PCDHGA4: variants seen among roughly 807,000 people sequenced by gnomAD.
PCDHGA4 encodes the protein protocadherin gamma subfamily A, 4.
Under a neutral mutation model 54.6 loss-of-function variants are expected in PCDHGA4, and 38 were observed. The observed-to-expected ratio is 0.70, with a 90% confidence interval of 0.54 to 0.91. The LOEUF is 0.91. Ranked by LOEUF, PCDHGA4 falls within the 40% of genes least tolerant of loss-of-function variation. The pLI, the probability that PCDHGA4 is intolerant of heterozygous loss-of-function variation, is 0.00. For missense variants in PCDHGA4, 1,298 were observed against 1,220.9 expected (o/e 1.06, Z -0.94); for synonymous variants, 511 against 512.9 (o/e 1.00, Z 0.05).
At chr5:141,410,803 C>A in intron 1 of PCDHGA4, 11 of 409,880 alleles carry the variant, frequency 2.7e-5, no homozygotes, top group East Asian at 1.2e-4. Context: ...GTTGCTCTAT[C>A]TTTTTGTAAA....
At chr5:141,421,211 T>A (rs866635411) in intron 1 of PCDHGA4, 8 of 1,541,100 alleles carry the variant, frequency 5.2e-6, no homozygotes. Flanking sequence ...CCGCGGAATA[T>A]CGGCTTAGAG....
chr5:141,374,776 A>T (rs376190994), intron 1 of PCDHGA4: 2 of 1,613,844 alleles, frequency 1.2e-6, no homozygotes, highest in African/African-American at 1.3e-5. Flanking sequence ...TTCTGGTAAC[A>T]GTTCTAGATG....
intron 1 of PCDHGA4, chr5:141,400,601 C>T (rs1401354209): frequency 1.3e-6 from 2 of 1,592,588 alleles, no homozygotes; most frequent in East Asian, 4.5e-5. Flanking sequence ...CGTACATTTT[C>T]AAGTCCAATG....
chr5:141,457,279 G>A (rs948609305), intron 1 of PCDHGA4, among the ~76,000 whole-genome samples: 2 of 152,190 alleles, frequency 1.3e-5, no homozygotes, highest in African/African-American at 4.8e-5. Flanking sequence ...GTGGGCCTAC[G>A]AAGTTCCTTG....
At position 141,490,406 on chromosome 5, in the gene PCDHGA4, T is replaced by G; in HGVS notation, c.2515-4401T>G. On this transcript the variant is annotated intron_variant, in intron 1 of 3. Transcript: ENST00000571252. This position sits in a 1 kb window ranked among gnomAD's most constrained non-coding sequence, Gnocchi z 5.4. ...AGAAATGGTGAAGTGAGCCTTGATA[T>G]CTCTCCGGACCTGCCATTTCAGATT... is the stretch of plus-strand genomic sequence containing the variant. The G allele has an allele frequency of 1.9e-6, 3 of 1,614,112 alleles. No individual in the cohort carries two copies. Among genetic ancestry groups the G allele is most frequent in the Non-Finnish European group, 2.5e-6 (3 of 1,180,020 alleles).
At chr5:141,468,783 G>A (rs908838744) in intron 1 of PCDHGA4, among the ~76,000 whole-genome samples, 7 of 151,460 alleles carry the variant, frequency 4.6e-5, no homozygotes, top group South Asian at 2.1e-4. Context: ...GGAGAATGGC[G>A]TGAACCCGGG....
intron 1 of PCDHGA4, chr5:141,388,978 CT>C (rs1389375857): frequency 6.2e-7 from 1 of 1,613,972 alleles, no homozygotes; most frequent in East Asian, 2.2e-5. Flanking sequence ...ACACATATTG[CT>C]TTGCTCAAAG....
chr5:141,395,190 A>T (rs769197632), intron 1 of PCDHGA4: 1 of 1,614,028 alleles, frequency 6.2e-7, no homozygotes, highest in East Asian at 2.2e-5. Context: ...TTCTTTGTTA[A>T]CATCCGTAGA....
chr5:141,395,542 TTGTGTGTGTGTGTGTGTGTGTGTGTG>T lies in PCDHGA4; in HGVS notation c.2514+37945_2514+37970del, dbSNP rs55729045. 7.0e-5 allele frequency: 12 copies of T among 172,630 alleles called. No homozygotes were observed. In the South Asian group the frequency reaches 8.7e-4, roughly 12 times the overall value. 10.7% of individuals were successfully genotyped at this position (172,630 alleles called of 1,614,324 possible). ...TCCATACTGGTAATTTTGCTATTGTTTGTGTGTGTGTGTGTGTGTGTGTGTGTGTGTGTGTGTGTGTGTGTGTGTAT... is the reference window on the plus strand; with the variant it reads ...TCCATACTGGTAATTTTGCTATTGTTTGTGTGTGTGTGTGTGTGTGTGTAT... On this transcript the variant is annotated intron_variant, in intron 1 of 3. Coordinates refer to ENST00000571252, the MANE Select transcript of PCDHGA4 (RefSeq NM_018917.4).
intron 1 of PCDHGA4, chr5:141,396,003 T>G (rs749303972): frequency 2.0e-5 from 3 of 152,232 alleles, no homozygotes; most frequent in Admixed American, 6.5e-5. Flanking sequence ...TTTAAACTGT[T>G]GAAAGTGACT....
At chr5:141,443,199 G>C (rs936013020) in intron 1 of PCDHGA4, among the ~76,000 whole-genome samples, 1 of 152,002 alleles carries the variant, frequency 6.6e-6, no homozygotes. Context: ...ATAGTACAAA[G>C]AGCTTGTCTC....
At chr5:141,472,000 C>T (rs935165645) in intron 1 of PCDHGA4, among the ~76,000 whole-genome samples, 3 of 151,852 alleles carry the variant, frequency 2.0e-5, no homozygotes, top group African/African-American at 4.8e-5. Flanking sequence ...ATCCCTGCAT[C>T]GTATAGGGGC....
intron 1 of PCDHGA4, chr5:141,408,114 C>T (rs1191565539): frequency 5.5e-6 from 8 of 1,460,968 alleles, no homozygotes; most frequent in South Asian, 1.4e-5. Context: ...CGGGACTCCT[C>T]CTGTCCTGGG....
chr5:141,405,431 T>C (rs1308544171), intron 1 of PCDHGA4: 18 of 1,490,646 alleles, frequency 1.2e-5, no homozygotes, highest in Non-Finnish European at 1.6e-5. Context: ...TGTTTTGTTT[T>C]GTTTTTGAGA....
At chr5:141,364,800 C>T in intron 1 of PCDHGA4, 1 of 1,613,952 alleles carries the variant, frequency 6.2e-7, no homozygotes, top group Non-Finnish European at 8.5e-7. Context: ...CTTCCCTTCG[C>T]GCGGGATGCG....
At chr5:141,375,187 T>A in intron 1 of PCDHGA4, 1 of 1,613,994 alleles carries the variant, frequency 6.2e-7, no homozygotes, top group Non-Finnish European at 8.5e-7. Flanking sequence ...TAATCGCCCT[T>A]TTTCAAGTGT....
At chr5:141,472,980 C>CAA (rs60579131) in intron 1 of PCDHGA4, among the ~76,000 whole-genome samples, 188 of 86,094 alleles carry the variant, frequency 2.2e-3, no homozygotes, top group Non-Finnish European at 3.2e-3. Flanking sequence ...GAGTGAAACT[C>CAA]AAAAAAAAAA....
At chr5:141,440,106 T>A (rs1288263875) in intron 1 of PCDHGA4, 1 of 152,228 alleles carries the variant, frequency 6.6e-6, no homozygotes, top group East Asian at 1.9e-4. Flanking sequence ...AGTGGAGACT[T>A]ACTTGTGAAT....
intron 1 of PCDHGA4, chr5:141,405,249 G>C: frequency 1.2e-6 from 2 of 1,614,128 alleles, no homozygotes; most frequent in Non-Finnish European, 1.7e-6. Flanking sequence ...TCAAGGAAGA[G>C]TCACCTGATC....
Sources: gnomAD v4.1 joint callset for allele counts (sites outside exome capture counted in the v4.1 genomes callset) on GRCh38, gnomAD v4.1.1 for gene constraint, Gnocchi (gnomAD v3.1) non-coding constraint, MANE v1.5 for transcripts, NCBI Gene and HGNC (gene_info 2026-07-23, HGNC 2026-07-21) for gene names.